The following TLR5 variants were observed in gnomAD, a reference collection of about 807,000 sequenced individuals.
The protein encoded by TLR5 is toll like receptor 5, also known as toll-like receptor 5.
For synonymous variants in TLR5, 373 were observed against 384.4 expected, an observed-to-expected ratio of 0.97 and a Z score of 0.35; for missense variants, 944 against 999.8, an observed-to-expected ratio of 0.94 and a Z score of 0.75.
chr1:223,115,739 C>T (rs1019360918), intron 5 of TLR5, among the ~76,000 whole-genome samples: 2 of 152,032 alleles, frequency 1.3e-5, no homozygotes, highest in Non-Finnish European at 2.9e-5. Flanking sequence ...TGCCATGGCT[C>T]GGGTGGTGGC....
chr1:223,129,038 T>C (rs1410384796), intron 5 of TLR5: 5 of 152,170 alleles, frequency 3.3e-5, no homozygotes, highest in Non-Finnish European at 7.3e-5. Context: ...CTCTGCACCA[T>C]TCCCTGAAGG....
chr1:223,136,766 C>T (rs1657629562), intron 3 of TLR5, among the ~76,000 whole-genome samples: 1 of 152,116 alleles, frequency 6.6e-6, no homozygotes, highest in African/African-American at 2.4e-5. Flanking sequence ...ATTTTTTGGT[C>T]CCTTGCAATA....
chr1:223,115,196 C>T (rs1558121705), intron 5 of TLR5, among the ~76,000 whole-genome samples: 1 of 152,134 alleles, frequency 6.6e-6, no homozygotes, highest in Non-Finnish European at 1.5e-5. Context: ...AGTTTTTCTC[C>T]TCAATAACTC....
intron 2 of TLR5, among the ~76,000 whole-genome samples, chr1:223,140,452 C>T (rs1657792571): frequency 6.7e-6 from 1 of 149,948 alleles, no homozygotes; most frequent in Non-Finnish European, 1.5e-5. Context: ...GAGGCTGAGG[C>T]AGGAGAATTA....
chr1:223,111,500 T>A lies in TLR5; in HGVS notation c.1532A>T (p.His511Leu). Residue 511 changes from histidine to leucine, a missense_variant, in exon 6 of 6, where the codon CAT becomes CTT. By Grantham distance (99) the His-to-Leu change is moderately conservative. Transcript: ENST00000642603. ...LSHLQVLYLNHNYLNSLPPGV... is the reference protein window; with the variant it reads ...LSHLQVLYLNLNYLNSLPPGV... ...TGGTGGAAGGGAATTAAGATAGTTA[T>A]GATTCAAATACAGAACTTGAAGATG... 1 of 1,614,132 alleles carries A rather than the reference T, an allele frequency of 6.2e-7. No individual in the cohort carries two copies. The highest frequency in any genetic ancestry group is 8.5e-7 in the Non-Finnish European group (1 of 1,180,030).
chr1:223,129,258 A>G (rs1385351438), intron 5 of TLR5: 2 of 152,252 alleles, frequency 1.3e-5, no homozygotes, highest in African/African-American at 4.8e-5. Flanking sequence ...TGCGCCAGGC[A>G]CATTGGGGCC....
chr1:223,142,106 C>T (rs144535131), intron 1 of TLR5, among the ~76,000 whole-genome samples: 22 of 152,172 alleles, frequency 1.4e-4, no homozygotes, highest in African/African-American at 4.6e-4. Flanking sequence ...AGATCTTGGA[C>T]GCACTTCTCA....
Position 223,129,737 on chromosome 1 carries a change from C to G in TLR5, c.-5+2738G>C, listed in dbSNP as rs560576974. Among the ~76,000 whole-genome samples, 9 of 152,316 alleles carry G rather than the reference C, an allele frequency of 5.9e-5. No homozygotes were observed. In the East Asian group the frequency reaches 1.7e-3, roughly 29 times the overall value. Reference sequence around the variant, plus strand: ...ATGCGGGCAAAATGGAAAGCGAGCTCCTACCCAGGTTTCTCCTCAGAGCCA... The same window carrying G: ...ATGCGGGCAAAATGGAAAGCGAGCTGCTACCCAGGTTTCTCCTCAGAGCCA... On this transcript the variant is annotated intron_variant, in intron 5 of 5. Coordinates refer to ENST00000642603, the MANE Select transcript of TLR5 (RefSeq NM_003268.6).
intron 1 of TLR5, 45 bp from the exon 2 acceptor site, chr1:223,141,808 TATATATATATATATAG>T (rs797016244): frequency 0.049 from 4,011 of 81,762 alleles, 57 homozygotes; most frequent in East Asian, 0.079. Flanking sequence ...TATATATATA[TATATATATATATATAG>T]AGAGAGAGAG....
intron 2 of TLR5, 61 bp downstream of exon 2, chr1:223,141,587 A>C (rs1657842089): frequency 6.6e-6 from 1 of 151,896 alleles, no homozygotes; most frequent in South Asian, 2.1e-4. Context: ...AGCCCGACCA[A>C]CATGGTGAAA....
chr1:223,112,668 A>C lies in TLR5; in HGVS notation c.364T>G (p.Phe122Val). Residue 122 changes from phenylalanine (F) to valine (V), a missense_variant, in exon 6 of 6, where the codon TTT becomes GTT. Coordinates refer to ENST00000642603, the MANE Select transcript of TLR5 (RefSeq NM_003268.6). The stretch of plus-strand genomic sequence containing the variant: ...CCACAGAAATACAGTCTAAGTTCAA[A>C]CAGATGGAACAGTCCCTGAAAAGCA... ...PDAFQGLFHL[F>V]ELRLYFCGLS... The C allele has an allele frequency of 6.2e-7, 1 of 1,614,222 alleles. No individual in the cohort carries two copies. The highest frequency in any genetic ancestry group is 8.5e-7 in the Non-Finnish European group (1 of 1,180,028).
At chr1:223,117,946 G>A (rs776089841) in intron 5 of TLR5, among the ~76,000 whole-genome samples, 8 of 152,356 alleles carry the variant, frequency 5.3e-5, no homozygotes, top group East Asian at 1.9e-4. Context: ...GTGATTTTCC[G>A]AAATGGTGAA....
intron 5 of TLR5, among the ~76,000 whole-genome samples, chr1:223,132,244 T>A (rs1657421179): frequency 6.6e-6 from 1 of 152,038 alleles, no homozygotes; most frequent in Admixed American, 6.6e-5. Context: ...GCACCTGTAG[T>A]CTGAGCTATT....
rs557400720 is a variant in TLR5 at position 223,114,598 on chromosome 1, G to A, written c.-4-1563C>T. 2.4e-3 allele frequency among the ~76,000 whole-genome samples: 367 copies of A among 152,302 alleles called. 2 individuals are homozygous for A. The highest frequency in any genetic ancestry group is 8.3e-3 in the African/African-American group (346 of 41,562). Reference sequence around the variant, plus strand: ...GTGCTGGAGGTGGGCTAGCTCTGACGAGGTTGTGCTTTGTGCTGGGGCTGA... The same window carrying A: ...GTGCTGGAGGTGGGCTAGCTCTGACAAGGTTGTGCTTTGTGCTGGGGCTGA... On this transcript the variant is annotated intron_variant, in intron 5 of 5. Transcript: ENST00000642603.
chr1:223,139,385 C>T (rs1037914677), intron 2 of TLR5, among the ~76,000 whole-genome samples: 2 of 152,182 alleles, frequency 1.3e-5, no homozygotes, highest in African/African-American at 4.8e-5. Flanking sequence ...GGCCAAGTAA[C>T]CAGCAGCCAT....
Position 223,112,951 on chromosome 1 carries a change from A to T in TLR5, c.81T>A (p.Asp27Glu), listed in dbSNP as rs760756597. 1.2e-6 allele frequency: 2 copies of T among 1,614,220 alleles called. No individual in the cohort carries two copies. The highest frequency in any genetic ancestry group is 3.3e-5 in the Admixed American group (2 of 60,026). ...PVFGIPSCSF[D>E]GRIAFYRFCN... Reference sequence around the variant, plus strand: ...AGAAACGATAAAAGGCTATTCGGCCATCAAAGGAGCAGGAAGGAATTCCAA... The same window carrying T: ...AGAAACGATAAAAGGCTATTCGGCCTTCAAAGGAGCAGGAAGGAATTCCAA... The change falls in exon 6 of 6, where the codon GAT (aspartate) becomes GAA (glutamate). Residue 27 changes from aspartate (D) to glutamate (E), a missense_variant. By Grantham distance (45) the Asp-to-Glu change is conservative (BLOSUM62 2). Coordinates refer to ENST00000642603, the MANE Select transcript of TLR5 (RefSeq NM_003268.6).
At chr1:223,113,091 T>C in intron 5 of TLR5, 56 bp from the exon 6 acceptor site, 1 of 1,550,312 alleles carries the variant, frequency 6.5e-7, no homozygotes, top group South Asian at 1.1e-5. Context: ...GGTATTGCAC[T>C]GGGGTCTTCA....
At chr1:223,138,790 G>A (rs1338948082) in intron 2 of TLR5, among the ~76,000 whole-genome samples, 4 of 152,144 alleles carry the variant, frequency 2.6e-5, no homozygotes, top group African/African-American at 9.7e-5. Flanking sequence ...AAAAAACCTT[G>A]TCCCTTACTC....
chr1:223,142,097 G>T (rs1273838557), intron 1 of TLR5, among the ~76,000 whole-genome samples: 4 of 152,094 alleles, frequency 2.6e-5, no homozygotes, highest in African/African-American at 9.7e-5. Context: ...GAGTCCAAGA[G>T]ATCTTGGACG....
Sources: gnomAD v4.1 joint callset for allele counts (sites outside exome capture counted in the v4.1 genomes callset) on GRCh38, gnomAD v4.1.1 for gene constraint, MANE v1.5 for transcripts, NCBI Gene and HGNC (gene_info 2026-07-23, HGNC 2026-07-21) for gene names.